Variants in EML4 observed in about 807,000 individuals in gnomAD.
EML4 encodes EMAP like 4, also known as echinoderm microtubule-associated protein-like 4.
In EML4, 72 loss-of-function variants were observed where a neutral mutation model predicts 129.0. The observed-to-expected ratio is 0.56, with a 90% CI of 0.46 to 0.68. The LOEUF (loss-of-function observed/expected upper bound fraction) is 0.68, where lower values mean the gene tolerates loss of function less well. Ranked by LOEUF, EML4 falls within the 30% of genes least tolerant of loss-of-function variation. The pLI is 0.00. For synonymous variants in EML4, 532 were observed against 405.0 expected, an observed-to-expected ratio of 1.31 and a Z score of -3.77; for missense variants, 1,363 against 1,190.6, an observed-to-expected ratio of 1.14 and a Z score of -2.13.
intron 13 of EML4, among the ~76,000 whole-genome samples, chr2:42,299,692 G>GT (rs1395027881): frequency 1.3e-5 from 2 of 151,894 alleles, no homozygotes; most frequent in African/African-American, 4.8e-5. Context: ...GTTTTGTTTT[G>GT]TTTGTTTGTT....
At chr2:42,230,740 G>A (rs1377176405) in intron 1 of EML4, among the ~76,000 whole-genome samples, 3 of 152,156 alleles carry the variant, frequency 2.0e-5, no homozygotes, top group Admixed American at 1.3e-4. Context: ...TCTCAGCAGG[G>A]CACTGTGTCT....
chr2:42,238,487 A>G (rs1036756800), intron 1 of EML4, among the ~76,000 whole-genome samples: 1 of 152,352 alleles, frequency 6.6e-6, no homozygotes, highest in Admixed American at 6.5e-5. Context: ...TCATGCCTGT[A>G]ATTCCAGCAC....
intron 6 of EML4, among the ~76,000 whole-genome samples, chr2:42,269,828 C>G (rs1047585791): frequency 1.3e-5 from 2 of 152,036 alleles, no homozygotes; most frequent in African/African-American, 2.4e-5. Flanking sequence ...TTATAAAATA[C>G]AGATTCATTC....
At chr2:42,224,530 T>C (rs1281978815) in intron 1 of EML4, among the ~76,000 whole-genome samples, 1 of 152,164 alleles carries the variant, frequency 6.6e-6, no homozygotes, top group Non-Finnish European at 1.5e-5. Flanking sequence ...CAAGTTTTTA[T>C]GTGGTCATCT....
chr2:42,272,337 T>C (rs1331886757), intron 6 of EML4, among the ~76,000 whole-genome samples: 2 of 152,204 alleles, frequency 1.3e-5, no homozygotes, highest in African/African-American at 4.8e-5. Flanking sequence ...AATATTCTAT[T>C]GTTTTCCTTT....
intron 13 of EML4, among the ~76,000 whole-genome samples, chr2:42,295,781 A>T (rs1667912021): frequency 6.6e-6 from 1 of 152,202 alleles, no homozygotes; most frequent in African/African-American, 2.4e-5. Flanking sequence ...ATATGGATAT[A>T]TGTTAGTTTA....
intron 2 of EML4, among the ~76,000 whole-genome samples, chr2:42,251,207 A>C (rs1189051379): frequency 1.3e-5 from 2 of 152,244 alleles, no homozygotes; most frequent in Non-Finnish European, 1.5e-5. Context: ...CTCCTAGGTT[A>C]CATAGGCAGT....
intron 1 of EML4, among the ~76,000 whole-genome samples, chr2:42,229,892 A>G (rs2104185096): frequency 8.0e-6 from 1 of 124,264 alleles, no homozygotes; most frequent in East Asian, 2.4e-4. Flanking sequence ...GATAGCCTCA[A>G]AATCCAGGTA....
chr2:42,189,225 A>T (rs1337114589), intron 1 of EML4, among the ~76,000 whole-genome samples: 1 of 152,150 alleles, frequency 6.6e-6, no homozygotes, highest in Non-Finnish European at 1.5e-5. Flanking sequence ...GAGCACCTGA[A>T]ATTATATTCA....
chr2:42,266,336 C>T (rs1666064219), intron 6 of EML4, among the ~76,000 whole-genome samples: 1 of 152,214 alleles, frequency 6.6e-6, no homozygotes, highest in East Asian at 1.9e-4. Context: ...GAAGATAATT[C>T]TTAATACATT....
intron 1 of EML4, among the ~76,000 whole-genome samples, chr2:42,241,466 C>T (rs1014591848): frequency 3.3e-5 from 5 of 152,130 alleles, no homozygotes; most frequent in African/African-American, 1.2e-4. Context: ...CATACTTGTT[C>T]TGGAGAAACT....
chr2:42,286,499 A>G (rs570683857), intron 10 of EML4, 120 bp downstream of exon 10: 2 of 668,116 alleles, frequency 3.0e-6, no homozygotes, highest in Admixed American at 2.3e-5. Context: ...ATGAGATGCT[A>G]GCTATTGCTA....
chr2:42,230,850 C>T (rs1346193068), intron 1 of EML4, among the ~76,000 whole-genome samples: 1 of 152,216 alleles, frequency 6.6e-6, no homozygotes, highest in Non-Finnish European at 1.5e-5. Context: ...TCAGAAAAGG[C>T]TCATTCTTTG....
chr2:42,300,722 G>T (rs966757538), intron 13 of EML4, among the ~76,000 whole-genome samples: 42 of 152,172 alleles, frequency 2.8e-4, no homozygotes, highest in Non-Finnish European at 4.1e-4. Context: ...TAAACGTTGT[G>T]ACTGTTACCT....
intron 6 of EML4, 183 bp downstream of exon 6, chr2:42,264,914 A>G (rs1165196019): frequency 6.5e-7 from 1 of 1,550,256 alleles, no homozygotes; most frequent in Non-Finnish European, 8.7e-7. Flanking sequence ...TTTTGTCTCA[A>G]CCAGCAAAAA....
At chr2:42,224,405 A>G (rs1425374127) in intron 1 of EML4, among the ~76,000 whole-genome samples, 1 of 152,176 alleles carries the variant, frequency 6.6e-6, no homozygotes, top group Non-Finnish European at 1.5e-5. Context: ...TTGGAGTAAT[A>G]TTCTGTCACA....
intron 3 of EML4, among the ~76,000 whole-genome samples, chr2:42,259,264 AG>A (rs1558548871): frequency 6.7e-5 from 10 of 149,750 alleles, no homozygotes. Flanking sequence ...AAACAGGGGG[AG>A]GGGGGCGGCA....
chr2:42,192,054 A>C (rs2103906076), intron 1 of EML4, among the ~76,000 whole-genome samples: 1 of 151,090 alleles, frequency 6.6e-6, no homozygotes, highest in Non-Finnish European at 1.5e-5. Context: ...CAGGAGAAAC[A>C]TTTGAACCTG....
chr2:42,276,837 A>G (rs1010458041), intron 6 of EML4, among the ~76,000 whole-genome samples: 2 of 152,236 alleles, frequency 1.3e-5, no homozygotes, highest in Non-Finnish European at 2.9e-5. Context: ...AATTGTTTGA[A>G]GTGCTTAGGT....
Sources: allele counts gnomAD v4.1 joint callset (sites outside exome capture counted in the v4.1 genomes callset), GRCh38; gene constraint gnomAD v4.1.1; transcripts MANE v1.5; gene names NCBI Gene and HGNC (gene_info 2026-07-23, HGNC 2026-07-21).